The following ATAD2B variants were observed in gnomAD, a reference collection of about 807,000 sequenced individuals.
ATAD2B encodes ATPase family AAA domain-containing protein 2B.
In ATAD2B, 40 loss-of-function variants were observed where a neutral mutation model predicts 167.6. The observed-to-expected ratio is 0.24, with a 90% CI of 0.19 to 0.31. The LOEUF (loss-of-function observed/expected upper bound fraction) is 0.31, where lower values mean the gene tolerates loss of function less well. Ranked by LOEUF, ATAD2B falls within the 10% of genes least tolerant of loss-of-function variation. The pLI is 1.00. For synonymous variants in ATAD2B, 579 were observed against 596.5 expected (o/e 0.97, Z 0.43); for missense variants, 1,242 against 1,757.2 (o/e 0.71, Z 5.24).
At chr2:23,907,954 G>A (rs939587891) in intron 1 of ATAD2B, among the ~76,000 whole-genome samples, 1 of 151,928 alleles carries the variant, frequency 6.6e-6, no homozygotes, top group African/African-American at 2.4e-5. Context: ...AGCTGAAACT[G>A]GATCCCTTCC....
chr2:23,878,277 C>T (rs1408411421), intron 7 of ATAD2B, among the ~76,000 whole-genome samples: 1 of 151,650 alleles, frequency 6.6e-6, no homozygotes, highest in Admixed American at 6.6e-5. Context: ...AGGAGAATCG[C>T]TTGAACCCAG....
At chr2:23,890,119 G>A (rs1699265864) in intron 2 of ATAD2B, among the ~76,000 whole-genome samples, 1 of 152,104 alleles carries the variant, frequency 6.6e-6, no homozygotes, top group Non-Finnish European at 1.5e-5. Flanking sequence ...GGAGGCTGAG[G>A]CAGGAGAATG....
chr2:23,716,438 A>ATTGTTGTTG, the ATAD2B span, among the ~76,000 whole-genome samples: 744 of 150,190 alleles, frequency 5.0e-3, 3 homozygotes, highest in East Asian at 0.013. Context: ...GGGACCTTTC[A>ATTGTTGTTG]TTGTTGTTGT....
chr2:23,709,477 G>A, the ATAD2B span, among the ~76,000 whole-genome samples: 2 of 152,212 alleles, frequency 1.3e-5, no homozygotes, highest in Non-Finnish European at 2.9e-5. Context: ...GGCTCCCTGG[G>A]GAGAAAAGGT....
At chr2:23,805,488 A>C (rs1684218989) in intron 18 of ATAD2B, among the ~76,000 whole-genome samples, 1 of 152,202 alleles carries the variant, frequency 6.6e-6, no homozygotes, top group African/African-American at 2.4e-5. Flanking sequence ...TCCCACGTGA[A>C]GGGATATTCA....
intron 11 of ATAD2B, among the ~76,000 whole-genome samples, chr2:23,863,820 T>C (rs1030712049): frequency 6.6e-6 from 1 of 152,114 alleles, no homozygotes; most frequent in African/African-American, 2.4e-5. Flanking sequence ...ACCCAGAAAT[T>C]TCACATCTTT....
the ATAD2B span, among the ~76,000 whole-genome samples, chr2:23,740,159 C>G: frequency 2.6e-5 from 4 of 152,136 alleles, no homozygotes. Context: ...TGAAACTATT[C>G]CAATCAATAG....
At chr2:23,762,035 T>TG in intron 24 of ATAD2B, among the ~76,000 whole-genome samples, 174 bp downstream of exon 24, 1 of 152,122 alleles carries the variant, frequency 6.6e-6, no homozygotes, top group Non-Finnish European at 1.5e-5. Context: ...CAAATAAAGT[T>TG]AAAGAAATAT....
At chr2:23,865,567 T>A (rs1345446411) in intron 10 of ATAD2B, among the ~76,000 whole-genome samples, 1 of 151,454 alleles carries the variant, frequency 6.6e-6, no homozygotes, top group Admixed American at 6.6e-5. Flanking sequence ...TTTAAAAATA[T>A]ATAATTATTT....
At chr2:23,861,021 A>G (rs927339232) in intron 12 of ATAD2B, among the ~76,000 whole-genome samples, 2 of 152,028 alleles carry the variant, frequency 1.3e-5, no homozygotes, top group African/African-American at 4.8e-5. Context: ...GGTTTTGGGG[A>G]AAAAAAGTTA....
intron 18 of ATAD2B, among the ~76,000 whole-genome samples, chr2:23,806,382 T>G (rs1019156081): frequency 6.6e-6 from 1 of 152,204 alleles, no homozygotes; most frequent in African/African-American, 2.4e-5. Flanking sequence ...AACCATCAAA[T>G]TCTACTTCTA....
the ATAD2B span, among the ~76,000 whole-genome samples, chr2:23,702,581 G>A: frequency 6.6e-6 from 1 of 152,144 alleles, no homozygotes; most frequent in Non-Finnish European, 1.5e-5. Flanking sequence ...CTAGCTAGTA[G>A]CTTATTCACT....
In ATAD2B at chr2:23,863,390, A is replaced by C; in HGVS notation, c.1470T>G (p.Leu490=). 6.4e-7 allele frequency: 1 copy of C among 1,551,970 alleles called. No individual in the cohort carries two copies. Among genetic ancestry groups the C allele is most frequent in the Non-Finnish European group, 8.7e-7 (1 of 1,147,056 alleles). Residue 490 remains leucine, a synonymous_variant, in exon 12 of 28, where the codon CTT becomes CTG. Transcript: ENST00000238789. The part of the protein sequence containing the change: ...VGESERQLRL[L]FDQAYLMRPS... The stretch of plus-strand genomic sequence containing the variant: ...AGATGATTTCTCTTACCTGATCAAA[A>C]AGAAGCCTAAGTTGCCTTTCAGATT...
chr2:23,760,674 A>T (rs549679347), intron 24 of ATAD2B, among the ~76,000 whole-genome samples: 4 of 149,024 alleles, frequency 2.7e-5, no homozygotes, highest in East Asian at 3.9e-4. Context: ...AAGAAAAAAA[A>T]AAAAAATAAA....
At chr2:23,691,192 G>A in the ATAD2B span, 1 of 187,606 alleles carries the variant, frequency 5.3e-6, no homozygotes, top group Non-Finnish European at 1.1e-5. Context: ...GGGGCCCTCG[G>A]TCCTGGGGCG....
intron 17 of ATAD2B, among the ~76,000 whole-genome samples, chr2:23,819,518 C>CAGGAAAG (rs1687130365): frequency 6.7e-6 from 1 of 149,286 alleles, no homozygotes. Flanking sequence ...AGTAAAGTAG[C>CAGGAAAG]AGGAAAGATT....
intron 22 of ATAD2B, among the ~76,000 whole-genome samples, chr2:23,781,976 G>A (rs1680141566): frequency 6.6e-6 from 1 of 152,038 alleles, no homozygotes; most frequent in Admixed American, 6.6e-5. Flanking sequence ...ACCACACACA[G>A]CTAATTTTTG....
At chr2:23,919,772 A>G (rs375096565) in intron 1 of ATAD2B, among the ~76,000 whole-genome samples, 3 of 151,522 alleles carry the variant, frequency 2.0e-5, no homozygotes, top group East Asian at 3.9e-4. Flanking sequence ...GAACCCAGGA[A>G]GCACACAGAT....
rs1249263010 is a variant in ATAD2B, at chr2:23,857,447, T to C, written c.1536A>G (p.Pro512=). 1 of 1,520,978 alleles carries C rather than the reference T, an allele frequency of 6.6e-7. No homozygotes were observed. Among genetic ancestry groups the C allele is most frequent in the Non-Finnish European group, 8.8e-7 (1 of 1,141,142 alleles). 94.2% of individuals were successfully genotyped at this position (1,520,978 alleles called of 1,614,324 possible). A position where few individuals can be genotyped will look rare whatever the true frequency, so the allele number is the denominator to read the frequency against. ...TCTGATCTTGTCTGCTAGAGCGAAC[T>C]GGAGCTAATCCATCTATTTCATCAA... ...IFFDEIDGLA[P]VRSSRQDQIH... The change falls in exon 13 of 28, where the codon CCA becomes CCG. Residue 512 remains proline (P), a synonymous_variant. Transcript: ENST00000238789.
Sources: gnomAD v4.1 joint callset for allele counts (sites outside exome capture counted in the v4.1 genomes callset) on GRCh38, gnomAD v4.1.1 for gene constraint, MANE v1.5 for transcripts, NCBI Gene and HGNC (gene_info 2026-07-23, HGNC 2026-07-21) for gene names.